PPP1R42: variants seen among roughly 807,000 people sequenced by gnomAD.
PPP1R42 encodes the protein leucine rich repeat containing 67.
In PPP1R42, 34 loss-of-function variants were observed where a neutral mutation model predicts 31.0. That is an observed-to-expected ratio of 1.10 (90% CI 0.83 to 1.46). PPP1R42 has a LOEUF of 1.46. Ranked by LOEUF, PPP1R42 falls within the 40% of genes most tolerant of loss-of-function variation. PPP1R42 has a pLI of 0.00. For synonymous variants in PPP1R42, 103 were observed against 109.8 expected, an observed-to-expected ratio of 0.94 and a Z score of 0.39; for missense variants, 268 against 303.0, an observed-to-expected ratio of 0.88 and a Z score of 0.86.
chr8:66,982,130 T>A lies in PPP1R42; in HGVS notation c.721A>T (p.Asn241Tyr). Residue 241 changes from asparagine (N) to tyrosine (Y), a missense_variant, in exon 7 of 8, where the codon AAT becomes TAT. By Grantham distance (143) the Asn-to-Tyr change is moderately radical (BLOSUM62 -2). Coordinates refer to ENST00000685739, the MANE Select transcript of PPP1R42 (RefSeq NM_001364910.1). ...TTGGCATCTTTGGATGCTTTCCAAT[T>A]CATTAGGAATTGTCTTTCTATATTT... ...IKNIERQFLM[N>Y]WKASKDAKKI... 3.4e-6 allele frequency: 5 copies of A among 1,480,530 alleles called. No individual in the cohort carries two copies. The highest frequency in any genetic ancestry group is 2.7e-6 in the Non-Finnish European group (3 of 1,128,538). The allele number at this position is 1,480,530 out of a possible 1,614,324, so 91.7% of individuals were successfully genotyped here. A position where few individuals can be genotyped will look rare whatever the true frequency, so the allele number is the denominator to read the frequency against.
In PPP1R42 at chr8:67,017,824, C is replaced by T; in HGVS notation, c.-77G>A. The T allele has an allele frequency of 1.4e-6, 2 of 1,406,174 alleles. No individual in the cohort carries two copies. Among genetic ancestry groups the T allele is most frequent in the Non-Finnish European group, 1.9e-6 (2 of 1,075,542 alleles). The allele number at this position is 1,406,174 out of a possible 1,614,324, so 87.1% of individuals were successfully genotyped here. A position where few individuals can be genotyped will look rare whatever the true frequency, so the allele number is the denominator to read the frequency against. On this transcript the variant is annotated 5_prime_UTR_variant, in exon 2 of 8. Transcript: ENST00000685739. The stretch of plus-strand genomic sequence containing the variant: ...CAAGAAGTAGGTTTAGGTATTATTT[C>T]CAACTTTCTGAAGATTAAAGAAAAA...
chr8:67,007,563 T>C, intron 5 of PPP1R42, among the ~76,000 whole-genome samples: 1 of 152,122 alleles, frequency 6.6e-6, no homozygotes, highest in East Asian at 1.9e-4. Flanking sequence ...GCCAGGGTGA[T>C]CTTGAACTCC....
chr8:66,984,158 C>G, intron 6 of PPP1R42: 2 of 1,593,266 alleles, frequency 1.3e-6, no homozygotes, highest in Non-Finnish European at 1.7e-6. Flanking sequence ...TACACAGATT[C>G]ACTCAGCGCA....
intron 5 of PPP1R42, among the ~76,000 whole-genome samples, chr8:66,997,148 T>TA (rs1312500850): frequency 6.6e-6 from 1 of 152,122 alleles, no homozygotes; most frequent in African/African-American, 2.4e-5. Context: ...GCGAGACTCT[T>TA]AAAAATCAGT....
At chr8:66,971,174 T>C (rs180889034) in intron 7 of PPP1R42, 403 of 1,430,022 alleles carry the variant, frequency 2.8e-4, no homozygotes, top group Non-Finnish European at 5.2e-5. Context: ...GCATTCTGCT[T>C]TGAAATTAAT....
At chr8:67,018,876 C>T (rs1364135662) in intron 1 of PPP1R42, among the ~76,000 whole-genome samples, 1 of 133,880 alleles carries the variant, frequency 7.5e-6, no homozygotes, top group African/African-American at 2.8e-5. Flanking sequence ...GTCTCCCAGG[C>T]TGGAGTGCAG....
chr8:66,964,291 C>T lies in PPP1R42; in HGVS notation c.*30G>A. 1 of 1,279,018 alleles carries T rather than the reference C, an allele frequency of 7.8e-7. No homozygotes were observed. The highest frequency in any genetic ancestry group is 1.0e-6 in the Non-Finnish European group (1 of 984,184). The allele number at this position is 1,279,018 out of a possible 1,614,324, so 79.2% of individuals were successfully genotyped here. On this transcript the variant is annotated 3_prime_UTR_variant, in exon 8 of 8. Transcript: ENST00000685739. ...TGGAAGAGGTGAGGTTCATGCACATCATTTTTTGTCAGCAAGCTTTCAGAT... is the reference window on the plus strand; with the variant it reads ...TGGAAGAGGTGAGGTTCATGCACATTATTTTTTGTCAGCAAGCTTTCAGAT...
intron 7 of PPP1R42, among the ~76,000 whole-genome samples, chr8:66,969,419 G>C (rs887508401): frequency 6.6e-6 from 1 of 152,204 alleles, no homozygotes; most frequent in African/African-American, 2.4e-5. Flanking sequence ...TGGTGATAAT[G>C]ACAATGGACA....
chr8:67,004,044 G>C (rs937865986), intron 5 of PPP1R42, among the ~76,000 whole-genome samples: 1 of 151,672 alleles, frequency 6.6e-6, no homozygotes, highest in Non-Finnish European at 1.5e-5. Flanking sequence ...GAGCCGAGAT[G>C]GCACCACTGC....
chr8:66,978,957 T>C (rs1814751421), intron 7 of PPP1R42, among the ~76,000 whole-genome samples: 1 of 152,226 alleles, frequency 6.6e-6, no homozygotes, highest in Non-Finnish European at 1.5e-5. Context: ...TTCTGAATAA[T>C]AATCCTGTCA....
chr8:67,028,083 G>A (rs868210667), intron 1 of PPP1R42, among the ~76,000 whole-genome samples: 67 of 152,146 alleles, frequency 4.4e-4, no homozygotes, highest in African/African-American at 1.5e-3. Flanking sequence ...CAGACTAGAG[G>A]CAGTGGACAA....
intron 5 of PPP1R42, among the ~76,000 whole-genome samples, chr8:67,009,176 A>G (rs1172611027): frequency 6.6e-6 from 1 of 152,162 alleles, no homozygotes; most frequent in Non-Finnish European, 1.5e-5. Flanking sequence ...AGGCTGAGGC[A>G]GGAGAATGGC....
At chr8:66,991,259 A>G (rs964373408) in intron 5 of PPP1R42, among the ~76,000 whole-genome samples, 1 of 152,188 alleles carries the variant, frequency 6.6e-6, no homozygotes, top group African/African-American at 2.4e-5. Context: ...CAAGCTATAT[A>G]ATGCTGGCCC....
In PPP1R42 at chr8:67,012,847, A is replaced by G. The variant is rs546846224; in HGVS notation, c.435+111T>C. On this transcript the variant is annotated intron_variant, in intron 4 of 7. Transcript: ENST00000685739. ...CTCTGATAAGCTCTGAGCTGGCCAT[A>G]TAAACATGAAGAGGATGTACAATGT... 106 of 996,070 alleles carry G rather than the reference A, an allele frequency of 1.1e-4. 1 individual carries two copies. Among genetic ancestry groups the G allele is most frequent in the African/African-American group, 1.1e-3 (64 of 60,296 alleles). 61.7% of individuals were successfully genotyped at this position (996,070 alleles called of 1,614,324 possible).
At position 67,006,675 on chromosome 8, in the gene PPP1R42, A is replaced by G. The variant is rs1815688070; in HGVS notation, c.552+4040T>C. Among the ~76,000 whole-genome samples the G allele has an allele frequency of 2.5e-5, 3 of 120,746 alleles. No homozygotes were observed. In the South Asian group the frequency reaches 8.6e-4, roughly 35 times the overall value. The allele number at this position is 120,746 out of a possible 152,430, so 79.2% of individuals were successfully genotyped here. ...TGAGCCACCATACCCGGCCTTGCTT[A>G]TGTATTTTTTTTAACCATTTCCTCC... On this transcript the variant is annotated intron_variant, in intron 5 of 7. Transcript: ENST00000685739.
chr8:67,027,899 A>G (rs1816450600), intron 1 of PPP1R42, among the ~76,000 whole-genome samples: 2 of 151,632 alleles, frequency 1.3e-5, no homozygotes, highest in Admixed American at 1.3e-4. Context: ...GCTTCTTTAC[A>G]GGCTCTAGGG....
chr8:67,001,549 C>A (rs1815491953), intron 5 of PPP1R42, among the ~76,000 whole-genome samples: 1 of 151,416 alleles, frequency 6.6e-6, no homozygotes, highest in Non-Finnish European at 1.5e-5. Context: ...TTTTTTGTGA[C>A]ATTTGAGTTT....
rs550736910 is a variant in PPP1R42, at chr8:66,993,981, G to A, written c.553-5464C>T. Among the ~76,000 whole-genome samples the A allele has an allele frequency of 1.6e-4, 25 of 152,274 alleles. No homozygotes were observed. The East Asian group carries it at 4.6e-3, about 28-fold the overall frequency. On this transcript the variant is annotated intron_variant, in intron 5 of 7. Coordinates refer to ENST00000685739, the MANE Select transcript of PPP1R42 (RefSeq NM_001364910.1). Reference sequence around the variant, plus strand: ...GGTGCTGCAGACATGGAAAGAGAGAGAAAAGAAAGACTATCTTCTCTTTTC... The same window carrying A: ...GGTGCTGCAGACATGGAAAGAGAGAAAAAAGAAAGACTATCTTCTCTTTTC...
chr8:66,985,517 T>C, intron 6 of PPP1R42: 1 of 1,210,782 alleles, frequency 8.3e-7, no homozygotes, highest in Non-Finnish European at 1.2e-6. Flanking sequence ...GCAATGCCCA[T>C]GTCATGGAGA....
Sources: allele counts gnomAD v4.1 joint callset (sites outside exome capture counted in the v4.1 genomes callset), GRCh38; gene constraint gnomAD v4.1.1; transcripts MANE v1.5; gene names NCBI Gene and HGNC (gene_info 2026-07-23, HGNC 2026-07-21).